Variants in ARID1B observed in about 807,000 individuals in gnomAD.
The protein encoded by ARID1B is AT-rich interaction domain 1B.
Under a neutral mutation model 212.3 loss-of-function variants are expected in ARID1B, and 30 were observed. The observed-to-expected ratio is 0.14, with a 90% CI of 0.11 to 0.19. ARID1B has a LOEUF of 0.19. Among genes scored for constraint, ARID1B ranks in the 10% least tolerant of loss-of-function variants. The pLI is 1.00. For synonymous variants in ARID1B, 1,402 were observed against 1,301.7 expected (o/e 1.08, Z -1.66); for missense variants, 2,891 against 3,204.0 (o/e 0.90, Z 2.36).
chr6:157,097,539 G>A (rs993850608), intron 5 of ARID1B, among the ~76,000 whole-genome samples: 3 of 152,178 alleles, frequency 2.0e-5, no homozygotes, highest in Non-Finnish European at 2.9e-5. Flanking sequence ...GTGAGCATCC[G>A]CATGTGGCAC....
intron 4 of ARID1B, among the ~76,000 whole-genome samples, chr6:157,021,131 G>A (rs1780217160): frequency 6.7e-6 from 1 of 150,026 alleles, no homozygotes; most frequent in Non-Finnish European, 1.5e-5. Context: ...GGGGATTTTA[G>A]AGAGAGGGTG....
Position 156,955,857 on chromosome 6 carries a change from T to C in ARID1B, c.2247+20281T>C, listed in dbSNP as rs1204251585. On this transcript the variant is annotated intron_variant, in intron 4 of 19. Coordinates refer to ENST00000636930, the MANE Select transcript of ARID1B (RefSeq NM_001374828.1). This position sits in a 1 kb window ranked among gnomAD's most constrained non-coding sequence, Gnocchi z 4.2. ...CTAAGATTTTAGGGAGGAGGGCTGT[T>C]GGTCTCAGAAACCCTATCCTGTTAG... Among the ~76,000 whole-genome samples, 1 of 152,300 alleles carries C rather than the reference T, an allele frequency of 6.6e-6. No homozygotes were observed. The highest frequency in any genetic ancestry group is 1.9e-4 in the East Asian group (1 of 5,186).
At chr6:157,014,373 T>C (rs1192385587) in intron 4 of ARID1B, among the ~76,000 whole-genome samples, 1 of 152,238 alleles carries the variant, frequency 6.6e-6, no homozygotes, top group East Asian at 1.9e-4. Context: ...TTTAATGAAA[T>C]CCGCTTCCTT....
At chr6:156,810,101 C>T (rs1168137695) in intron 1 of ARID1B, among the ~76,000 whole-genome samples, 1 of 152,186 alleles carries the variant, frequency 6.6e-6, no homozygotes, top group Non-Finnish European at 1.5e-5. Context: ...TATTGAAAAT[C>T]ATTTCTGTTC....
intron 4 of ARID1B, among the ~76,000 whole-genome samples, chr6:157,045,694 C>G (rs1782191642): frequency 6.6e-6 from 1 of 152,150 alleles, no homozygotes; most frequent in Non-Finnish European, 1.5e-5. Context: ...AACTCATAAT[C>G]TTATGAACTC....
intron 4 of ARID1B, among the ~76,000 whole-genome samples, chr6:156,965,550 GA>G: frequency 6.6e-6 from 1 of 152,338 alleles, no homozygotes; most frequent in Middle Eastern, 3.4e-3. Context: ...AATAGTTGTA[GA>G]AAGAGTAGAT....
intron 4 of ARID1B, among the ~76,000 whole-genome samples, chr6:157,015,924 A>G (rs1167583589): frequency 6.6e-6 from 1 of 152,254 alleles, no homozygotes; most frequent in Non-Finnish European, 1.5e-5. Flanking sequence ...CCTTCAAGAC[A>G]GCAAAAATTA....
At chr6:157,039,844 C>G (rs971445168) in intron 4 of ARID1B, among the ~76,000 whole-genome samples, 1 of 94,942 alleles carries the variant, frequency 1.1e-5, no homozygotes, top group Admixed American at 1.0e-4. Flanking sequence ...TTCTTTCTCT[C>G]TCTTTCTCTC....
At chr6:156,934,930 A>AAAGTT (rs1562494713) in intron 3 of ARID1B, among the ~76,000 whole-genome samples, 1 of 89,510 alleles carries the variant, frequency 1.1e-5, no homozygotes, top group Non-Finnish European at 2.4e-5. Flanking sequence ...ATATATATAT[A>AAAGTT]TATATATATA....
intron 4 of ARID1B, among the ~76,000 whole-genome samples, chr6:156,968,162 T>C (rs1171874237): frequency 6.6e-6 from 1 of 152,210 alleles, no homozygotes; most frequent in Non-Finnish European, 1.5e-5. Context: ...ACGCCTCACC[T>C]GGGAAATGAT....
At chr6:157,066,667 C>T (rs1170006102) in intron 4 of ARID1B, among the ~76,000 whole-genome samples, 3 of 151,918 alleles carry the variant, frequency 2.0e-5, no homozygotes, top group South Asian at 2.1e-4. Flanking sequence ...TGGTGTTTTG[C>T]CATTTTCTGT....
intron 11 of ARID1B, among the ~76,000 whole-genome samples, chr6:157,176,981 T>G (rs1792142464): frequency 6.6e-6 from 1 of 152,248 alleles, no homozygotes; most frequent in Non-Finnish European, 1.5e-5. Flanking sequence ...AATATTTTAA[T>G]TCACTAGTTA....
intron 3 of ARID1B, among the ~76,000 whole-genome samples, chr6:156,914,644 G>C (rs1790200150): frequency 1.3e-5 from 2 of 152,114 alleles, no homozygotes; most frequent in Admixed American, 1.3e-4. Context: ...ACTTTCATAT[G>C]TACTTTTGCA....
At chr6:156,806,784 G>A (rs572690360) in intron 1 of ARID1B, among the ~76,000 whole-genome samples, 172 of 152,262 alleles carry the variant, frequency 1.1e-3, no homozygotes, top group Non-Finnish European at 2.2e-3. Flanking sequence ...CTTTTCCTAC[G>A]AAGGGCCACA....
chr6:157,169,706 A>G, intron 9 of ARID1B: 1 of 152,198 alleles, frequency 6.6e-6, no homozygotes, highest in Non-Finnish European at 1.5e-5. Flanking sequence ...CTGCATATAA[A>G]CCGTCATCTT....
chr6:156,966,370 ACTTTTCTTTTCTTTT>A (rs751075039), intron 4 of ARID1B, among the ~76,000 whole-genome samples: 1 of 138,422 alleles, frequency 7.2e-6, no homozygotes, highest in African/African-American at 2.8e-5. Context: ...GACATAAATA[ACTTTTCTTTTCTTTT>A]CTTTTTTTTT....
intron 2 of ARID1B, among the ~76,000 whole-genome samples, chr6:156,860,052 C>T (rs1785218740): frequency 6.6e-6 from 1 of 152,196 alleles, no homozygotes; most frequent in South Asian, 2.1e-4. Flanking sequence ...TCTTCCTGCT[C>T]AGTCAGTTTG....
chr6:157,138,738 G>A (rs1789122337), intron 7 of ARID1B, among the ~76,000 whole-genome samples: 1 of 152,156 alleles, frequency 6.6e-6, no homozygotes, highest in Admixed American at 6.5e-5. Context: ...TCTTCAAACA[G>A]GTTGATGCAC....
chr6:157,014,629 T>G (rs1779800772), intron 4 of ARID1B, among the ~76,000 whole-genome samples: 1 of 152,200 alleles, frequency 6.6e-6, no homozygotes, highest in Non-Finnish European at 1.5e-5. Flanking sequence ...GCTTTATAGA[T>G]GTATGACAGA....
Sources: allele counts gnomAD v4.1 joint callset (sites outside exome capture counted in the v4.1 genomes callset), GRCh38; gene constraint gnomAD v4.1.1; non-coding constraint Gnocchi (gnomAD v3.1); transcripts MANE v1.5; gene names NCBI Gene and HGNC (gene_info 2026-07-23, HGNC 2026-07-21).